GFPT2: variants seen among roughly 807,000 people sequenced by gnomAD.
GFPT2 encodes the protein glutamine--fructose-6-phosphate transaminase 2.
GFPT2 carries 62 observed loss-of-function variants against 85.6 expected under a neutral mutation model. That is an observed-to-expected ratio of 0.72 (90% confidence interval 0.59 to 0.90). The LOEUF is 0.90. Among genes scored for constraint, GFPT2 ranks in the 40% least tolerant of loss-of-function variants. The pLI is 0.00. For missense variants in GFPT2, 788 were observed against 893.4 expected, an observed-to-expected ratio of 0.88 and a Z score of 1.50; for synonymous variants, 368 against 344.5, an observed-to-expected ratio of 1.07 and a Z score of -0.75.
chr5:180,318,383 AG>A lies in GFPT2; in HGVS notation c.958+409del, dbSNP rs1381451521. Among the ~76,000 whole-genome samples the A allele has an allele frequency of 6.6e-6, 1 of 152,146 alleles. No individual in the cohort carries two copies. The highest frequency in any genetic ancestry group is 1.5e-5 in the Non-Finnish European group (1 of 68,008). ...GCTGCCCTGTGGGGTAGAGGTTGTA[AG>A]GGGACAGAAATGGGTGCAGACAGAG... On this transcript the variant is annotated intron_variant, in intron 10 of 18. Transcript: ENST00000253778. The surrounding 1 kb of genome is among the most constrained non-coding windows in gnomAD (Gnocchi z 4.2).
At chr5:180,321,610 C>T (rs370601583) in intron 9 of GFPT2, among the ~76,000 whole-genome samples, 8 of 152,370 alleles carry the variant, frequency 5.3e-5, no homozygotes, top group African/African-American at 1.2e-4. Context: ...CACTGGCCAC[C>T]GTTGCCCAAA....
chr5:180,304,785 A>T lies in GFPT2; in HGVS notation c.1829T>A (p.Val610Asp). 1 of 1,613,212 alleles carries T rather than the reference A, an allele frequency of 6.2e-7. No individual in the cohort carries two copies. The highest frequency in any genetic ancestry group is 8.5e-7 in the Non-Finnish European group (1 of 1,179,546). Residue 610 changes from valine to aspartate, a missense_variant, in exon 17 of 19, where the codon GTC (valine) becomes GAC (aspartate). Transcript: ENST00000253778. Reference protein sequence around the residue: ...FAKCQNALQQVTARQGRPIIL... With the variant: ...FAKCQNALQQDTARQGRPIIL... ...GAGAGCCCTCACCTGGCGGGCCGTG[A>T]CTTGCTGCAGGGCGTTCTGGCATTT...
intron 2 of GFPT2, among the ~76,000 whole-genome samples, chr5:180,337,992 T>TGTG (rs1561882774): frequency 6.6e-6 from 1 of 151,982 alleles, no homozygotes; most frequent in Non-Finnish European, 1.5e-5. Context: ...ATTAGCCGGG[T>TGTG]GTGGTGGTGC....
intron 2 of GFPT2, among the ~76,000 whole-genome samples, 189 bp downstream of exon 2, chr5:180,338,304 C>G (rs1056177121): frequency 2.0e-5 from 3 of 152,136 alleles, no homozygotes; most frequent in Admixed American, 6.5e-5. Flanking sequence ...GTTTTTTACC[C>G]TTGCTTCTTC....
At chr5:180,341,961 A>C (rs1055469451) in intron 1 of GFPT2, among the ~76,000 whole-genome samples, 1 of 152,192 alleles carries the variant, frequency 6.6e-6, no homozygotes, top group African/African-American at 2.4e-5. Flanking sequence ...CTCATCTTGA[A>C]TTGCAGCTCC....
intron 1 of GFPT2, among the ~76,000 whole-genome samples, chr5:180,341,968 CTCCCACAAT>C (rs1312168969): frequency 2.0e-5 from 3 of 152,220 alleles, no homozygotes; most frequent in Admixed American, 2.0e-4. Flanking sequence ...TGAATTGCAG[CTCCCACAAT>C]TCCCACGTGT....
intron 10 of GFPT2, among the ~76,000 whole-genome samples, chr5:180,317,782 T>C (rs1284808713): frequency 6.7e-6 from 1 of 148,930 alleles, no homozygotes; most frequent in Non-Finnish European, 1.5e-5. Flanking sequence ...AAAAAACCTT[T>C]CCAGCCACAC....
chr5:180,348,500 T>A (rs1048435763), intron 1 of GFPT2, among the ~76,000 whole-genome samples: 2 of 152,234 alleles, frequency 1.3e-5, no homozygotes, highest in African/African-American at 4.8e-5. Flanking sequence ...CGGATGCATG[T>A]GATCCCACGC....
At position 180,318,726 on chromosome 5, in the gene GFPT2, T is replaced by G; in HGVS notation, c.958+67A>C. The G allele has an allele frequency of 7.5e-7, 1 of 1,326,618 alleles. No individual in the cohort carries two copies. Among genetic ancestry groups the G allele is most frequent in the Non-Finnish European group, 1.1e-6 (1 of 941,380 alleles). 82.2% of individuals were successfully genotyped at this position (1,326,618 alleles called of 1,614,324 possible). A position where few individuals can be genotyped will look rare whatever the true frequency, so the allele number is the denominator to read the frequency against. On this transcript the variant is annotated intron_variant, in intron 10 of 18. Coordinates refer to ENST00000253778, the MANE Select transcript of GFPT2 (RefSeq NM_005110.4). This position sits in a 1 kb window ranked among gnomAD's most constrained non-coding sequence, Gnocchi z 4.2. ...TGGCCTCTACTAGGACCAGGCAGAGTGTCAGGAGCTCCACCAGGCGCGCTG... is the reference window on the plus strand; with the variant it reads ...TGGCCTCTACTAGGACCAGGCAGAGGGTCAGGAGCTCCACCAGGCGCGCTG...
chr5:180,313,319 C>T (rs1347442371), intron 14 of GFPT2, among the ~76,000 whole-genome samples: 4 of 151,412 alleles, frequency 2.6e-5, no homozygotes, highest in Non-Finnish European at 5.9e-5. Flanking sequence ...GGGCCGGGCA[C>T]GGGGGCTCAC....
chr5:180,334,879 G>A (rs1228130792), intron 4 of GFPT2, among the ~76,000 whole-genome samples: 1 of 152,220 alleles, frequency 6.6e-6, no homozygotes, highest in Non-Finnish European at 1.5e-5. Flanking sequence ...GGGACCCGGC[G>A]CCCTGGGGCT....
intron 1 of GFPT2, among the ~76,000 whole-genome samples, chr5:180,342,518 C>T (rs900120676): frequency 1.3e-5 from 2 of 151,808 alleles, no homozygotes; most frequent in African/African-American, 4.8e-5. Context: ...CAAGCTATCC[C>T]CACAGCCTTG....
rs892482019 is a variant in GFPT2, at chr5:180,345,117, A to C, written c.8-6517T>G. ...TCAGTGAAACAGGGTGATGGCTACA[A>C]TAGTGCCTGCCACAGGGCAAGGAGC... On this transcript the variant is annotated intron_variant, in intron 1 of 18. Coordinates refer to ENST00000253778, the MANE Select transcript of GFPT2 (RefSeq NM_005110.4). 2.0e-5 allele frequency among the ~76,000 whole-genome samples: 3 copies of C among 152,280 alleles called. No individual in the cohort carries two copies. In the East Asian group the frequency reaches 5.8e-4, roughly 29 times the overall value.
At chr5:180,331,356 T>G in intron 5 of GFPT2, 139 bp downstream of exon 5, 1 of 636,766 alleles carries the variant, frequency 1.6e-6, no homozygotes, top group East Asian at 2.7e-5. Flanking sequence ...CAGAGGTTTC[T>G]TCTCAACACG....
At chr5:180,317,613 G>T (rs1032453653) in intron 10 of GFPT2, among the ~76,000 whole-genome samples, 1 of 147,290 alleles carries the variant, frequency 6.8e-6, no homozygotes, top group Non-Finnish European at 1.5e-5. Context: ...CAAAAAATTA[G>T]CCGGGCGTAG....
chr5:180,308,873 C>CG (rs1763825114), intron 15 of GFPT2, among the ~76,000 whole-genome samples: 1 of 143,988 alleles, frequency 6.9e-6, no homozygotes, highest in East Asian at 2.0e-4. Flanking sequence ...TCAGAGAAGA[C>CG]TTTTTTTTTT....
In GFPT2 at chr5:180,317,760, A is replaced by G. The variant is rs1200524621; in HGVS notation, c.959-702T>C. ...GGCGACAGAGCAAGACTCCGTCTCAAAAAAAAAAAAAAAAAAACCTTTCCA... is the reference window on the plus strand; with the variant it reads ...GGCGACAGAGCAAGACTCCGTCTCAGAAAAAAAAAAAAAAAAACCTTTCCA... On this transcript the variant is annotated intron_variant, in intron 10 of 18. Transcript: ENST00000253778. Among the ~76,000 whole-genome samples, 18 of 11,766 alleles carry G rather than the reference A, an allele frequency of 1.5e-3. 1 individual carries two copies. The highest frequency in any genetic ancestry group is 0.011 in the African/African-American group (13 of 1,202). The allele number at this position is 11,766 out of a possible 152,430, so 7.7% of individuals were successfully genotyped here.
At chr5:180,341,868 G>A (rs899337473) in intron 1 of GFPT2, among the ~76,000 whole-genome samples, 4 of 152,134 alleles carry the variant, frequency 2.6e-5, no homozygotes, top group Admixed American at 6.6e-5. Context: ...CCAAACATCT[G>A]GGCATGGGAG....
rs1274884442 is a variant in GFPT2 at position 180,313,788 on chromosome 5, C to T, written c.1431+19G>A. 6.5e-7 allele frequency: 1 copy of T among 1,533,724 alleles called. No homozygotes were observed. The highest frequency in any genetic ancestry group is 8.7e-7 in the Non-Finnish European group (1 of 1,144,376). ...TCCGCCAGGCTCTCCCTGGGACGGGCGCCCGTGGCTCCTCCTACCTTGGTG... is the reference window on the plus strand; with the variant it reads ...TCCGCCAGGCTCTCCCTGGGACGGGTGCCCGTGGCTCCTCCTACCTTGGTG... On this transcript the variant is annotated intron_variant, in intron 14 of 18. Transcript: ENST00000253778.
Sources: gnomAD v4.1 joint callset for allele counts (sites outside exome capture counted in the v4.1 genomes callset) on GRCh38, gnomAD v4.1.1 for gene constraint, Gnocchi (gnomAD v3.1) non-coding constraint, MANE v1.5 for transcripts, NCBI Gene and HGNC (gene_info 2026-07-23, HGNC 2026-07-21) for gene names.